LGR5: variants seen among roughly 807,000 people sequenced by gnomAD.
LGR5 encodes the protein leucine rich repeat containing G protein-coupled receptor 5, also known as leucine-rich repeat-containing G protein-coupled receptor 5.
Under a neutral mutation model 76.7 loss-of-function variants are expected in LGR5, and 54 were observed. The observed-to-expected ratio is 0.70, with a 90% CI of 0.57 to 0.88. LGR5 has a LOEUF of 0.88. LGR5 is among the 40% of genes least tolerant of loss of function. The pLI is 0.00. For synonymous variants in LGR5, 406 were observed against 421.9 expected, an observed-to-expected ratio of 0.96 and a Z score of 0.46; for missense variants, 1,078 against 1,073.3, an observed-to-expected ratio of 1.00 and a Z score of -0.06.
intron 3 of LGR5, among the ~76,000 whole-genome samples, chr12:71,531,361 T>A (rs1439638901): frequency 2.0e-5 from 3 of 152,330 alleles, no homozygotes; most frequent in East Asian, 3.9e-4. Context: ...AAAAACAGAA[T>A]GTTCTAATTA....
intron 4 of LGR5, among the ~76,000 whole-genome samples, chr12:71,546,716 C>T (rs1877185967): frequency 6.6e-6 from 1 of 152,166 alleles, no homozygotes; most frequent in Non-Finnish European, 1.5e-5. Flanking sequence ...TTAGAGTGAC[C>T]TTTCTACAGC....
chr12:71,490,515 A>G (rs1565686509), intron 1 of LGR5, among the ~76,000 whole-genome samples: 1 of 152,212 alleles, frequency 6.6e-6, no homozygotes, highest in Non-Finnish European at 1.5e-5. Context: ...GAAAGATGTC[A>G]TAAGATGTTA....
rs760049233 is a variant in LGR5 at position 71,565,697 on chromosome 12, A to C, written c.858-707A>C. ...TCAATCTTTAAATCCTCACATACCT[A>C]CCCTCATACTTTAAACGTGGTAGAC... On this transcript the variant is annotated intron_variant, in intron 8 of 17. Transcript: ENST00000266674. Among the ~76,000 whole-genome samples the C allele has an allele frequency of 7.0e-4, 106 of 150,646 alleles. 3 individuals carry two copies. Among genetic ancestry groups the C allele is most frequent in the Non-Finnish European group, 2.4e-4 (16 of 67,766 alleles).
chr12:71,545,737 A>G (rs1216876725), intron 4 of LGR5, among the ~76,000 whole-genome samples: 2 of 152,194 alleles, frequency 1.3e-5, no homozygotes, highest in East Asian at 3.8e-4. Context: ...ATTCTTAAAC[A>G]AAGATACAGA....
At chr12:71,453,183 AC>A (rs1872319515) in intron 1 of LGR5, among the ~76,000 whole-genome samples, 1 of 152,216 alleles carries the variant, frequency 6.6e-6, no homozygotes, top group Non-Finnish European at 1.5e-5. Context: ...ATTTGGCATC[AC>A]CCAACAACTG....
At chr12:71,556,431 T>A (rs1355824211) in intron 5 of LGR5, among the ~76,000 whole-genome samples, 188 bp from the exon 6 acceptor site, 1 of 152,230 alleles carries the variant, frequency 6.6e-6, no homozygotes, top group East Asian at 1.9e-4. Context: ...AAACTGTGAC[T>A]GTCTTTTAAA....
At chr12:71,551,208 A>G (rs374841379) in intron 4 of LGR5, among the ~76,000 whole-genome samples, 1 of 152,242 alleles carries the variant, frequency 6.6e-6, no homozygotes, top group Admixed American at 6.5e-5. Flanking sequence ...CCTTTGAGGC[A>G]TCGCTTGTTC....
intron 6 of LGR5, among the ~76,000 whole-genome samples, chr12:71,557,604 G>A (rs1043902466): frequency 3.3e-5 from 5 of 152,098 alleles, no homozygotes; most frequent in African/African-American, 4.8e-5. Flanking sequence ...TCAAGCCAGC[G>A]GACCATATCC....
At chr12:71,553,416 C>T in intron 5 of LGR5, 128 bp downstream of exon 5, 1 of 713,240 alleles carries the variant, frequency 1.4e-6, no homozygotes, top group South Asian at 1.8e-5. Flanking sequence ...CTGAGCCCCT[C>T]CCCAAAATGA....
chr12:71,516,557 G>A (rs867506525), intron 2 of LGR5, among the ~76,000 whole-genome samples: 1 of 151,804 alleles, frequency 6.6e-6, no homozygotes, highest in Non-Finnish European at 1.5e-5. Context: ...TATGTTTAGA[G>A]AGGAAAAATT....
intron 1 of LGR5, among the ~76,000 whole-genome samples, chr12:71,493,444 A>G (rs1431059082): frequency 6.6e-6 from 1 of 151,334 alleles, no homozygotes; most frequent in Non-Finnish European, 1.5e-5. Flanking sequence ...ATATTTTGCT[A>G]TGGCTCTGAG....
chr12:71,577,846 A>G, intron 13 of LGR5, 79 bp from the exon 14 acceptor site: 3 of 884,896 alleles, frequency 3.4e-6, no homozygotes, highest in Admixed American at 1.9e-5. Flanking sequence ...TAATTTTGGT[A>G]GAAGACTAAA....
chr12:71,505,587 A>T (rs1430427993), intron 2 of LGR5, among the ~76,000 whole-genome samples: 1 of 152,202 alleles, frequency 6.6e-6, no homozygotes, highest in Non-Finnish European at 1.5e-5. Context: ...TAAATTGTTA[A>T]TGCACCACAG....
chr12:71,525,390 T>G (rs1326761509), intron 3 of LGR5, among the ~76,000 whole-genome samples: 1 of 149,686 alleles, frequency 6.7e-6, no homozygotes, highest in East Asian at 1.9e-4. Flanking sequence ...TCTCTTTGAA[T>G]TTTTTTCTTT....
At chr12:71,448,713 T>A in intron 1 of LGR5, 1 of 152,266 alleles carries the variant, frequency 6.6e-6, no homozygotes, top group Admixed American at 6.5e-5. Flanking sequence ...GAAGATGTTA[T>A]ATTCCTTAAT....
chr12:71,516,972 GC>G (rs1184355631), intron 2 of LGR5, among the ~76,000 whole-genome samples: 2 of 148,934 alleles, frequency 1.3e-5, no homozygotes, highest in African/African-American at 5.0e-5. Flanking sequence ...AAGGGACATT[GC>G]CATGAAATAA....
At chr12:71,454,841 A>AG (rs1439996318) in intron 1 of LGR5, among the ~76,000 whole-genome samples, 8 of 148,140 alleles carry the variant, frequency 5.4e-5, no homozygotes, top group Admixed American at 3.3e-4. Flanking sequence ...CAAAAGAACA[A>AG]GAAAAAAAAA....
chr12:71,487,050 T>C (rs548941318), intron 1 of LGR5, among the ~76,000 whole-genome samples: 1 of 152,292 alleles, frequency 6.6e-6, no homozygotes, highest in Admixed American at 6.5e-5. Flanking sequence ...AACCTTTATA[T>C]ATTTTGTTGT....
chr12:71,544,808 T>C (rs1565739536), intron 4 of LGR5, among the ~76,000 whole-genome samples: 1 of 152,190 alleles, frequency 6.6e-6, no homozygotes, highest in Non-Finnish European at 1.5e-5. Flanking sequence ...GATTTTCACT[T>C]TATTGAAAAA....
Sources: allele counts gnomAD v4.1 joint callset (sites outside exome capture counted in the v4.1 genomes callset), GRCh38; gene constraint gnomAD v4.1.1; transcripts MANE v1.5; gene names NCBI Gene and HGNC (gene_info 2026-07-23, HGNC 2026-07-21).